SPIN1: variants seen among roughly 807,000 people sequenced by gnomAD.
The protein encoded by SPIN1 is spindlin-1.
SPIN1 carries 3 observed loss-of-function variants against 26.0 expected under a neutral mutation model. That is an observed-to-expected ratio of 0.12 (90% CI 0.05 to 0.30). The LOEUF (loss-of-function observed/expected upper bound fraction) is 0.30, where lower values mean the gene tolerates loss of function less well. Among genes scored for constraint, SPIN1 ranks in the 10% least tolerant of loss-of-function variants. The pLI, the probability that SPIN1 is intolerant of heterozygous loss-of-function variation, is 1.00. For missense variants in SPIN1, 126 were observed against 333.4 expected (o/e 0.38, Z 4.84); for synonymous variants, 101 against 116.5 (o/e 0.87, Z 0.86).
intron 3 of SPIN1, among the ~76,000 whole-genome samples, chr9:88,456,435 G>T (rs1828473746): frequency 6.6e-6 from 1 of 152,120 alleles, no homozygotes; most frequent in Non-Finnish European, 1.5e-5. Context: ...ATACTGCCAG[G>T]ATCAGAGATA....
intron 1 of SPIN1, among the ~76,000 whole-genome samples, chr9:88,413,530 C>T (rs186770076): frequency 4.6e-5 from 7 of 151,762 alleles, no homozygotes; most frequent in Admixed American, 1.3e-4. Flanking sequence ...ACTACAGGTG[C>T]GCACCACCAC....
intron 1 of SPIN1, among the ~76,000 whole-genome samples, chr9:88,398,477 G>C (rs1827115721): frequency 6.6e-6 from 1 of 152,088 alleles, no homozygotes; most frequent in Admixed American, 6.6e-5. Flanking sequence ...GCAGTAGCGA[G>C]AATTAAATAA....
chr9:88,405,116 A>G (rs1253815711), intron 1 of SPIN1, among the ~76,000 whole-genome samples: 1 of 152,192 alleles, frequency 6.6e-6, no homozygotes, highest in Non-Finnish European at 1.5e-5. Context: ...AACTTTTTTT[A>G]TAAATAAGTA....
chr9:88,406,904 T>C (rs1184282303), intron 1 of SPIN1, among the ~76,000 whole-genome samples: 8 of 152,166 alleles, frequency 5.3e-5, no homozygotes, highest in South Asian at 2.1e-4. Context: ...ATTGTCATTA[T>C]TGCATTGTTT....
chr9:88,422,714 C>CTT (rs111780596), intron 1 of SPIN1, among the ~76,000 whole-genome samples: 22 of 144,752 alleles, frequency 1.5e-4, no homozygotes, highest in African/African-American at 4.5e-4. Context: ...ACTCTTTTTT[C>CTT]TTTTTTTTTT....
intron 1 of SPIN1, among the ~76,000 whole-genome samples, chr9:88,403,974 T>C (rs1383365154): frequency 6.6e-6 from 1 of 152,214 alleles, no homozygotes; most frequent in Non-Finnish European, 1.5e-5. Flanking sequence ...AAAACTTAGA[T>C]GGTGTAGCCT....
intron 1 of SPIN1, among the ~76,000 whole-genome samples, chr9:88,393,521 CTCAGCTGACTG>C: frequency 7.8e-6 from 1 of 128,224 alleles, no homozygotes; most frequent in South Asian, 2.6e-4. Context: ...GTGGCGCAGT[CTCAGCTGACTG>C]CACCCTCCAC....
intron 2 of SPIN1, among the ~76,000 whole-genome samples, chr9:88,435,498 A>G (rs1587796957): frequency 6.6e-6 from 1 of 152,148 alleles, no homozygotes; most frequent in East Asian, 1.9e-4. Flanking sequence ...ATATGTAAAG[A>G]GTTTCTCTCT....
At chr9:88,406,003 G>T (rs1368961826) in intron 1 of SPIN1, among the ~76,000 whole-genome samples, 1 of 83,190 alleles carries the variant, frequency 1.2e-5, no homozygotes, top group Non-Finnish European at 2.1e-5. Context: ...TGGCTTGTGT[G>T]TCTGTGTGTG....
intron 1 of SPIN1, chr9:88,411,300 TG>T: frequency 7.5e-7 from 1 of 1,337,934 alleles, no homozygotes. Flanking sequence ...TCAAAGCCCC[TG>T]GAGCACTTGG....
intron 3 of SPIN1, among the ~76,000 whole-genome samples, chr9:88,452,882 T>C (rs1180683460): frequency 6.6e-6 from 1 of 152,212 alleles, no homozygotes; most frequent in African/African-American, 2.4e-5. Flanking sequence ...ATTGCTTTAT[T>C]ACAATACCAA....
rs532680299 is a variant in SPIN1, at chr9:88,392,571, GTCTCC to G, written c.-159+4048_-159+4052del. Among the ~76,000 whole-genome samples the G allele has an allele frequency of 1.7e-4, 26 of 152,064 alleles. No individual in the cohort carries two copies. In the South Asian group the frequency reaches 2.5e-3, roughly 15 times the overall value. ...GCCAAAAGTTAGCCCCTTGTTACCTGTCTCCTCTCCTCTCCTCTCTTCTCCTTCCT... is the reference window on the plus strand; with the variant it reads ...GCCAAAAGTTAGCCCCTTGTTACCTGTCTCCTCTCCTCTCTTCTCCTTCCT... On this transcript the variant is annotated intron_variant, in intron 1 of 5. Transcript: ENST00000375859.
chr9:88,398,518 A>G (rs1435585597), intron 1 of SPIN1, among the ~76,000 whole-genome samples: 1 of 152,054 alleles, frequency 6.6e-6, no homozygotes, highest in Admixed American at 6.6e-5. Flanking sequence ...GGTTGGTTAA[A>G]TGTCTTGTCT....
At chr9:88,443,568 G>A (rs1185191684) in intron 2 of SPIN1, among the ~76,000 whole-genome samples, 1 of 152,162 alleles carries the variant, frequency 6.6e-6, no homozygotes, top group East Asian at 1.9e-4. Context: ...AGTTGAGTCT[G>A]GTTCTGATGC....
intron 1 of SPIN1, among the ~76,000 whole-genome samples, chr9:88,390,947 T>C (rs1333495378): frequency 1.3e-5 from 2 of 152,206 alleles, no homozygotes; most frequent in African/African-American, 4.8e-5. Context: ...TTGAAGGTCC[T>C]CTTATTGGAG....
chr9:88,449,445 A>G (rs1436349991), intron 3 of SPIN1, among the ~76,000 whole-genome samples: 1 of 152,168 alleles, frequency 6.6e-6, no homozygotes, highest in Non-Finnish European at 1.5e-5. Context: ...AGCATTTTTA[A>G]ATGAAGGAAA....
intron 1 of SPIN1, among the ~76,000 whole-genome samples, chr9:88,402,196 T>G (rs1827200754): frequency 6.6e-6 from 1 of 152,112 alleles, no homozygotes; most frequent in Admixed American, 6.6e-5. Context: ...TTTCACCATG[T>G]TGGCCATTCT....
chr9:88,400,501 T>G (rs917892581), intron 1 of SPIN1, among the ~76,000 whole-genome samples: 27 of 152,110 alleles, frequency 1.8e-4, no homozygotes, highest in African/African-American at 6.5e-4. Context: ...TCGGTTAGAT[T>G]TTTTCTGGCC....
At position 88,438,774 on chromosome 9, in the gene SPIN1, G is replaced by A. The variant is rs114556166; in HGVS notation, c.53-10167G>A. ...ATCTGAAACTTTTTGAGTAACTCAC[G>A]TGATTCCACAATTGGGTGATGAAGA... On this transcript the variant is annotated intron_variant, in intron 2 of 5. Transcript: ENST00000375859. Among the ~76,000 whole-genome samples the A allele has an allele frequency of 2.3e-3, 351 of 152,268 alleles. 1 individual carries two copies. Among genetic ancestry groups the A allele is most frequent in the African/African-American group, 7.8e-3 (323 of 41,556 alleles).
Sources: allele counts gnomAD v4.1 joint callset (sites outside exome capture counted in the v4.1 genomes callset), GRCh38; gene constraint gnomAD v4.1.1; transcripts MANE v1.5; gene names NCBI Gene and HGNC (gene_info 2026-07-23, HGNC 2026-07-21).